Variants in KDM4B observed in about 807,000 individuals in gnomAD.
KDM4B encodes the protein lysine-specific demethylase 4B.
In KDM4B, 32 loss-of-function variants were observed where a neutral mutation model predicts 125.2. That is an observed-to-expected ratio of 0.26 (90% CI 0.19 to 0.34). The LOEUF is 0.34. Ranked by LOEUF, KDM4B falls within the 10% of genes least tolerant of loss-of-function variation. KDM4B has a pLI of 1.00. For synonymous variants in KDM4B, 721 were observed against 677.9 expected (o/e 1.06, Z -0.99); for missense variants, 1,190 against 1,577.7 (o/e 0.75, Z 4.16).
At chr19:5,023,758 ATTTTTTTTTTTT>A (rs148293792) in intron 2 of KDM4B, among the ~76,000 whole-genome samples, 5 of 89,122 alleles carry the variant, frequency 5.6e-5, no homozygotes, top group African/African-American at 1.9e-4. Flanking sequence ...GTCTTTTTGA[ATTTTTTTTTTTT>A]TTTTTTTTTT....
intron 21 of KDM4B, among the ~76,000 whole-genome samples, chr19:5,145,818 C>T (rs887732085): frequency 6.6e-6 from 1 of 152,160 alleles, no homozygotes; most frequent in Non-Finnish European, 1.5e-5. Flanking sequence ...GGTCACGCGG[C>T]GGGTCAGTCG....
At chr19:5,095,508 A>T (rs1599174756) in intron 9 of KDM4B, among the ~76,000 whole-genome samples, 1 of 152,246 alleles carries the variant, frequency 6.6e-6, no homozygotes, top group Non-Finnish European at 1.5e-5. Flanking sequence ...GTGGTAGCCC[A>T]CTGTGTCTGC....
At chr19:5,036,689 C>CAGGGGCCGCCGGA (rs1163066489) in intron 3 of KDM4B, among the ~76,000 whole-genome samples, 1 of 152,254 alleles carries the variant, frequency 6.6e-6, no homozygotes, top group Non-Finnish European at 1.5e-5. Context: ...GAGGCACTTT[C>CAGGGGCCGCCGGA]AGGGGCCGCC....
intron 6 of KDM4B, among the ~76,000 whole-genome samples, chr19:5,062,649 T>C (rs1249355257): frequency 6.6e-6 from 1 of 152,174 alleles, no homozygotes; most frequent in African/African-American, 2.4e-5. Flanking sequence ...GAAACCCTCT[T>C]TTTGTTGACT....
chr19:5,102,844 G>GAGCT (rs1295057208), intron 9 of KDM4B, among the ~76,000 whole-genome samples: 2 of 152,232 alleles, frequency 1.3e-5, no homozygotes, highest in African/African-American at 4.8e-5. Flanking sequence ...GAGCAGTGAA[G>GAGCT]AGCTCTTCAC....
intron 7 of KDM4B, chr19:5,074,542 A>G (rs1341319294): frequency 6.6e-6 from 1 of 152,262 alleles, no homozygotes; most frequent in Non-Finnish European, 1.5e-5. Flanking sequence ...TAGAGCTTTA[A>G]TGAGAGCCAC....
At chr19:5,012,099 CCT>C (rs1555692168) in intron 1 of KDM4B, among the ~76,000 whole-genome samples, 106 of 152,266 alleles carry the variant, frequency 7.0e-4, no homozygotes, top group African/African-American at 2.4e-3. Context: ...GGTGGGCTCC[CCT>C]TGCCAGTTCT....
At chr19:5,090,779 C>T (rs987985813) in intron 9 of KDM4B, among the ~76,000 whole-genome samples, 1 of 150,042 alleles carries the variant, frequency 6.7e-6, no homozygotes, top group African/African-American at 2.5e-5. Context: ...GGGCCCAGCA[C>T]ACCCTAGACC....
chr19:5,084,520 A>T (rs1178350232), intron 9 of KDM4B, among the ~76,000 whole-genome samples: 2 of 58,524 alleles, frequency 3.4e-5, no homozygotes, highest in African/African-American at 1.4e-4. Context: ...ATAAATATAA[A>T]TTATATATGT....
chr19:5,058,748 C>CG (rs1314092357), intron 6 of KDM4B, among the ~76,000 whole-genome samples: 1 of 152,132 alleles, frequency 6.6e-6, no homozygotes, highest in East Asian at 1.9e-4. Flanking sequence ...TTGTTCAAAG[C>CG]GGGCGCTTCG....
At chr19:5,123,838 ACGGTGAGCCCCAGGCGAGGT>A (rs1438873188) in intron 11 of KDM4B, among the ~76,000 whole-genome samples, 2 of 151,928 alleles carry the variant, frequency 1.3e-5, no homozygotes, top group African/African-American at 2.4e-5. Context: ...GATTCTGGAG[ACGGTGAGCCCCAGGCGAGGT>A]CGGCAGGGGA....
Position 5,024,872 on chromosome 19 carries a change from C to T in KDM4B, c.-25-7994C>T, listed in dbSNP as rs141318046. The stretch of plus-strand genomic sequence containing the variant: ...CTCAAGCAGGAGAATTGCTTGAACC[C>T]GGGAAACGGAGGTTTCAGTGAGCTG... On this transcript the variant is annotated intron_variant, in intron 2 of 22. Transcript: ENST00000159111. Among the ~76,000 whole-genome samples, 12 of 152,280 alleles carry T rather than the reference C, an allele frequency of 7.9e-5. No homozygotes were observed. In the East Asian group the frequency reaches 1.5e-3, roughly 20 times the overall value.
intron 2 of KDM4B, among the ~76,000 whole-genome samples, chr19:5,019,972 G>A (rs961306861): frequency 1.4e-5 from 2 of 147,196 alleles, no homozygotes; most frequent in Non-Finnish European, 3.0e-5. Flanking sequence ...TAGTGTGCAG[G>A]TGTTGGTGTG....
In KDM4B at chr19:5,115,144, G is replaced by T. The variant is rs1207954151; in HGVS notation, c.1115+4326G>T. Among the ~76,000 whole-genome samples, 1 of 152,206 alleles carries T rather than the reference G, an allele frequency of 6.6e-6. No homozygotes were observed. ...CCAGGAGGACAGCCAGCAGGGAGCA[G>T]CTGGGCTGCACCATGGGGCCACAGA... On this transcript the variant is annotated intron_variant, in intron 10 of 22. Coordinates refer to ENST00000159111, the MANE Select transcript of KDM4B (RefSeq NM_015015.3). This position sits in a 1 kb window ranked among gnomAD's most constrained non-coding sequence, Gnocchi z 4.2.
rs139857728 is a variant in KDM4B, at chr19:5,061,633, G to T, written c.627-9377G>T. Among the ~76,000 whole-genome samples the T allele has an allele frequency of 5.7e-3, 866 of 152,240 alleles. 7 individuals carry two copies. The highest frequency in any genetic ancestry group is 0.02 in the African/African-American group (831 of 41,530). ...CCAGAGCTTTGGGCAGCTGAGGCCA[G>T]AGGATTGCTTGAGCCAGCCACTGGA... On this transcript the variant is annotated intron_variant, in intron 6 of 22. Transcript: ENST00000159111.
chr19:5,002,199 T>C (rs2035408682), intron 1 of KDM4B, among the ~76,000 whole-genome samples: 1 of 152,334 alleles, frequency 6.6e-6, no homozygotes, highest in Admixed American at 6.5e-5. Context: ...GGTTTCGCCA[T>C]GTTGGTCAGG....
intron 1 of KDM4B, among the ~76,000 whole-genome samples, chr19:4,998,952 G>A (rs2035285680): frequency 6.6e-6 from 1 of 152,140 alleles, no homozygotes; most frequent in Non-Finnish European, 1.5e-5. Flanking sequence ...TCCCATTTCT[G>A]GTGATGTTAA....
chr19:4,989,625 G>GC (rs2034967867), intron 1 of KDM4B, among the ~76,000 whole-genome samples: 1 of 151,286 alleles, frequency 6.6e-6, no homozygotes, highest in African/African-American at 2.4e-5. Context: ...ACAGGCATGA[G>GC]CCACCATGCC....
intron 1 of KDM4B, among the ~76,000 whole-genome samples, chr19:4,999,737 CT>C (rs2035309860): frequency 7.0e-6 from 1 of 142,252 alleles, no homozygotes; most frequent in East Asian, 2.1e-4. Flanking sequence ...ACCCACCCAC[CT>C]GTCCATCTAT....
Sources: gnomAD v4.1 joint callset for allele counts (sites outside exome capture counted in the v4.1 genomes callset) on GRCh38, gnomAD v4.1.1 for gene constraint, Gnocchi (gnomAD v3.1) non-coding constraint, MANE v1.5 for transcripts, NCBI Gene and HGNC (gene_info 2026-07-23, HGNC 2026-07-21) for gene names.